C10orf90: variants seen among roughly 807,000 people sequenced by gnomAD.
C10orf90 encodes the protein chromosome 10 open reading frame 90.
A neutral mutation model predicts 62.5 loss-of-function variants in C10orf90; 56 were observed. The ratio of observed to expected loss-of-function variants is 0.90; its 90% CI spans 0.72 to 1.12. The LOEUF (loss-of-function observed/expected upper bound fraction) is 1.12, where lower values mean the gene tolerates loss of function less well. Ranked by LOEUF, C10orf90 falls within the 50% of genes most tolerant of loss-of-function variation. The pLI is 0.00. For synonymous variants in C10orf90, 386 were observed against 340.4 expected, an observed-to-expected ratio of 1.13 and a Z score of -1.47; for missense variants, 970 against 880.4, an observed-to-expected ratio of 1.10 and a Z score of -1.29.
At chr10:126,530,173 C>A (rs1864056669) in intron 2 of C10orf90, among the ~76,000 whole-genome samples, 1 of 151,986 alleles carries the variant, frequency 6.6e-6, no homozygotes, top group African/African-American at 2.4e-5. Context: ...AAATATTCAA[C>A]TATCTATCAG....
intron 2 of C10orf90, among the ~76,000 whole-genome samples, chr10:126,534,775 G>A (rs1193654053): frequency 1.3e-5 from 2 of 152,162 alleles, no homozygotes; most frequent in African/African-American, 2.4e-5. Context: ...GAAGGAATGG[G>A]GAGCAAGCGG....
In C10orf90 at chr10:126,464,750, A is replaced by G; in HGVS notation, c.1771T>C (p.Cys591Arg). Residue 591 changes from cysteine (C) to arginine (R), a missense_variant, in exon 5 of 10, where the codon TGT becomes CGT. Coordinates refer to ENST00000488181, the MANE Select transcript of C10orf90 (RefSeq NM_001350921.2). ...CCATTGTCTTCCTGCAGAGATGCAC[A>G]TACATCTTGTAAGGGGCAAAGAAAC... ...PGFLCPLQDV[C>R]ASLQEDNGVQ... The G allele has an allele frequency of 6.2e-7, 1 of 1,614,118 alleles. No homozygotes were observed. The highest frequency in any genetic ancestry group is 8.5e-7 in the Non-Finnish European group (1 of 1,180,012).
intron 4 of C10orf90, among the ~76,000 whole-genome samples, chr10:126,477,877 G>A (rs1309532107): frequency 6.6e-6 from 1 of 152,192 alleles, no homozygotes; most frequent in African/African-American, 2.4e-5. Context: ...AAAGCACCCA[G>A]GTACATCTGA....
chr10:126,580,299 T>C (rs1362319795), intron 2 of C10orf90, among the ~76,000 whole-genome samples: 2 of 152,226 alleles, frequency 1.3e-5, no homozygotes, highest in South Asian at 2.1e-4. Context: ...TGATCTTTTC[T>C]AACAAATCCA....
At chr10:126,664,713 G>T (rs1185986649) in intron 1 of C10orf90, among the ~76,000 whole-genome samples, 1 of 152,186 alleles carries the variant, frequency 6.6e-6, no homozygotes, top group African/African-American at 2.4e-5. Flanking sequence ...AGCTGCCAAT[G>T]CCCTGGGTCA....
rs191258043 is a variant in C10orf90, at chr10:126,508,722, G to A, written c.406-3637C>T. Among the ~76,000 whole-genome samples the A allele has an allele frequency of 3.2e-3, 493 of 152,316 alleles. 2 individuals carry two copies. Among genetic ancestry groups the A allele is most frequent in the Admixed American group, 4.7e-3 (72 of 15,306 alleles). ...TACTGGCTACAGGACCTTGGACAGG[G>A]CCTTTGGCTGCCACAGCTGCTAAGC... is the stretch of plus-strand genomic sequence containing the variant. On this transcript the variant is annotated intron_variant, in intron 3 of 9. Transcript: ENST00000488181.
chr10:126,652,136 G>A (rs941099231), intron 1 of C10orf90, among the ~76,000 whole-genome samples: 5 of 152,210 alleles, frequency 3.3e-5, no homozygotes, highest in African/African-American at 1.2e-4. Context: ...GATCAACAGT[G>A]TATTTTCTGG....
At chr10:126,668,522 A>G (rs1846679819) in intron 1 of C10orf90, among the ~76,000 whole-genome samples, 1 of 152,242 alleles carries the variant, frequency 6.6e-6, no homozygotes, top group Non-Finnish European at 1.5e-5. Context: ...GGTAGGAATA[A>G]CATGAAGAAT....
rs760022878 is a variant in C10orf90 at position 126,552,589 on chromosome 10, C to T, written c.314-38650G>A. 3.1e-4 allele frequency among the ~76,000 whole-genome samples: 47 copies of T among 152,342 alleles called. 1 individual carries two copies. The highest frequency in any genetic ancestry group is 6.8e-3 in the Middle Eastern group (2 of 294). Reference sequence around the variant, plus strand: ...AGGAGACGCTGTCTTATAAAGGATACTCACCCAAGATGCTATGCCATCCCC... The same window carrying T: ...AGGAGACGCTGTCTTATAAAGGATATTCACCCAAGATGCTATGCCATCCCC... On this transcript the variant is annotated intron_variant, in intron 2 of 9. Coordinates refer to ENST00000488181, the MANE Select transcript of C10orf90 (RefSeq NM_001350921.2).
chr10:126,440,810 G>A (rs949517315), intron 7 of C10orf90, among the ~76,000 whole-genome samples: 5 of 152,114 alleles, frequency 3.3e-5, no homozygotes, highest in Admixed American at 1.3e-4. Flanking sequence ...ACAGCTCAGC[G>A]CTCAGGAAGC....
Position 126,484,210 on chromosome 10 carries a change from GAATACGCC to G in C10orf90, c.1535-19232_1535-19225del, listed in dbSNP as rs576802590. ...ATTTTTGCATCCCAGTTCTCTTCAT[GAATACGCC>G]AATTCCCTCTAGATTCATCATTATT... On this transcript the variant is annotated intron_variant, in intron 4 of 9. Coordinates refer to ENST00000488181, the MANE Select transcript of C10orf90 (RefSeq NM_001350921.2). 1.1e-3 allele frequency among the ~76,000 whole-genome samples: 165 copies of G among 152,146 alleles called. 1 individual carries two copies. The highest frequency in any genetic ancestry group is 3.6e-3 in the African/African-American group (151 of 41,524).
At chr10:126,507,693 C>T (rs1392540791) in intron 3 of C10orf90, among the ~76,000 whole-genome samples, 3 of 152,090 alleles carry the variant, frequency 2.0e-5, no homozygotes, top group Non-Finnish European at 4.4e-5. Flanking sequence ...TCATCAGTCA[C>T]CTGGGAACTC....
At chr10:126,541,089 G>A (rs973739779) in intron 2 of C10orf90, among the ~76,000 whole-genome samples, 15 of 152,118 alleles carry the variant, frequency 9.9e-5, no homozygotes, top group Non-Finnish European at 1.9e-4. Flanking sequence ...GAAAGATGAA[G>A]AGCTGGACTA....
intron 7 of C10orf90, among the ~76,000 whole-genome samples, chr10:126,446,836 G>GA (rs61029760): frequency 6.6e-6 from 1 of 150,874 alleles, no homozygotes; most frequent in African/African-American, 2.4e-5. Context: ...AATTTGTTAA[G>GA]AAAAAAATAT....
intron 2 of C10orf90, among the ~76,000 whole-genome samples, chr10:126,624,432 T>C (rs1845704817): frequency 6.6e-6 from 1 of 152,196 alleles, no homozygotes; most frequent in South Asian, 2.1e-4. Flanking sequence ...ATGGCCCTTT[T>C]TGTGTGTCAC....
chr10:126,470,769 A>G (rs955836013), intron 4 of C10orf90, among the ~76,000 whole-genome samples: 1 of 151,926 alleles, frequency 6.6e-6, no homozygotes, highest in Non-Finnish European at 1.5e-5. Flanking sequence ...AAAAATACAG[A>G]AAGGAAGAAG....
intron 6 of C10orf90, 52 bp from the exon 7 acceptor site, chr10:126,459,269 G>C (rs572735607): frequency 6.3e-7 from 1 of 1,599,688 alleles, no homozygotes; most frequent in Non-Finnish European, 8.5e-7. Context: ...ACACAGAAAG[G>C]CAACGCATCT....
At chr10:126,497,172 C>A (rs187057984) in intron 4 of C10orf90, among the ~76,000 whole-genome samples, 93 of 152,264 alleles carry the variant, frequency 6.1e-4, no homozygotes, top group Non-Finnish European at 1.1e-3. Flanking sequence ...ATGACCAGCA[C>A]AGGAGCACCT....
chr10:126,507,195 A>G (rs1472394917), intron 3 of C10orf90, among the ~76,000 whole-genome samples: 1 of 152,002 alleles, frequency 6.6e-6, no homozygotes, highest in African/African-American at 2.4e-5. Flanking sequence ...GTCTCTACTA[A>G]AAATACAAAA....
Sources: gnomAD v4.1 joint callset for allele counts (sites outside exome capture counted in the v4.1 genomes callset) on GRCh38, gnomAD v4.1.1 for gene constraint, MANE v1.5 for transcripts, NCBI Gene and HGNC (gene_info 2026-07-23, HGNC 2026-07-21) for gene names.